Variants in BAIAP2L2 observed in about 807,000 individuals in gnomAD.
The protein encoded by BAIAP2L2 is BAR/IMD domain-containing adapter protein 2-like 2.
Under a neutral mutation model 60.4 loss-of-function variants are expected in BAIAP2L2, and 65 were observed. The ratio of observed to expected loss-of-function variants is 1.08; its 90% CI spans 0.88 to 1.32. The LOEUF is 1.32. Ranked by LOEUF, BAIAP2L2 falls within the 40% of genes most tolerant of loss-of-function variation. The probability of loss-of-function intolerance (pLI) is 0.00; values close to 1 mark genes in which losing one functional copy is unlikely to be tolerated. For synonymous variants in BAIAP2L2, 344 were observed against 301.7 expected (o/e 1.14, Z -1.45); for missense variants, 836 against 741.2 (o/e 1.13, Z -1.48).
chr22:38,108,269 G>T lies in BAIAP2L2; in HGVS notation c.200C>A (p.Thr67Asn). 6.2e-7 allele frequency: 1 copy of T among 1,612,564 alleles called. No individual in the cohort carries two copies. Among genetic ancestry groups the T allele is most frequent in the Non-Finnish European group, 8.5e-7 (1 of 1,179,844 alleles). Residue 67 changes from threonine (T) to asparagine (N), a missense_variant, in exon 3 of 14, where the codon ACC becomes AAC. Physicochemically the swap from Thr to Asn is moderately conservative, Grantham distance 65. Transcript: ENST00000381669. ...KIGERALQSP[T>N]SQILGEILVQ... ...GGGAGCCTCACCCAGAATCTGTGAG[G>T]TGGGGCTCTGCAGGGCACGCTCCCC...
At chr22:38,106,715 C>T (rs1394265302) in intron 4 of BAIAP2L2, among the ~76,000 whole-genome samples, 1 of 152,170 alleles carries the variant, frequency 6.6e-6, no homozygotes, top group African/African-American at 2.4e-5. Flanking sequence ...CTCTCCCACT[C>T]AGCCCCTGCG....
At chr22:38,093,029 G>A (rs1233245807) in intron 7 of BAIAP2L2, among the ~76,000 whole-genome samples, 3 of 152,112 alleles carry the variant, frequency 2.0e-5, no homozygotes, top group Non-Finnish European at 4.4e-5. Context: ...TAACGGGCAT[G>A]GTGGTGCATG....
intron 11 of BAIAP2L2, 85 bp downstream of exon 11, chr22:38,087,039 C>G (rs531231959): frequency 1.6e-5 from 22 of 1,417,346 alleles, no homozygotes; most frequent in South Asian, 1.4e-4. Context: ...AAAAAACAAG[C>G]CTGCACCTTG....
At chr22:38,105,425 C>T (rs1367469654) in intron 4 of BAIAP2L2, among the ~76,000 whole-genome samples, 2 of 150,976 alleles carry the variant, frequency 1.3e-5, no homozygotes, top group Non-Finnish European at 2.9e-5. Flanking sequence ...CTGCAACCTC[C>T]GCTTCCCAGG....
At chr22:38,093,395 G>A (rs545288426) in intron 7 of BAIAP2L2, among the ~76,000 whole-genome samples, 2 of 152,090 alleles carry the variant, frequency 1.3e-5, no homozygotes, top group East Asian at 1.9e-4. Context: ...AATGCACAAC[G>A]GACTAACACA....
Position 38,086,293 on chromosome 22 carries a change from G to A in BAIAP2L2, c.1416C>T (p.Pro472=), listed in dbSNP as rs539736437. The A allele has an allele frequency of 2.5e-6, 4 of 1,589,490 alleles. No individual in the cohort carries two copies. In the African/African-American group the frequency reaches 4.0e-5, roughly 16 times the overall value. ...TGCCCATGCTGCTGCGGCGGCTGCT[G>A]GGCAAGGGTGGAGGTGCAGGGCTGG... ...RAPSPAPPPL[P]SSRRSSMGST... Residue 472 remains proline, a synonymous_variant, in exon 12 of 14, where the codon CCC becomes CCT. Coordinates refer to ENST00000381669, the MANE Select transcript of BAIAP2L2 (RefSeq NM_025045.6).
intron 4 of BAIAP2L2, among the ~76,000 whole-genome samples, chr22:38,102,040 G>A (rs756673296): frequency 2.6e-5 from 4 of 152,176 alleles, no homozygotes; most frequent in Non-Finnish European, 5.9e-5. Context: ...GTAGCTGGGC[G>A]TTGAGGGACC....
In BAIAP2L2 at chr22:38,085,804, C is replaced by T. The variant is rs1410154689; in HGVS notation, c.1468-72G>A. 2.1e-5 allele frequency: 29 copies of T among 1,389,660 alleles called. No homozygotes were observed. In the East Asian group the frequency reaches 4.4e-4, roughly 21 times the overall value. 86.1% of individuals were successfully genotyped at this position (1,389,660 alleles called of 1,614,324 possible). On this transcript the variant is annotated intron_variant, in intron 12 of 13. Coordinates refer to ENST00000381669, the MANE Select transcript of BAIAP2L2 (RefSeq NM_025045.6). ...GCAATCCCTTGCTCCTCCCCTCCCT[C>T]TCCCCATGCCCAAGGGCAGAGGACT...
chr22:38,089,495 C>T (rs1291348293), intron 8 of BAIAP2L2, 27 bp downstream of exon 8: 9 of 1,184,628 alleles, frequency 7.6e-6, no homozygotes, highest in Non-Finnish European at 9.4e-6. Context: ...GGGGCGCGAA[C>T]GGCGGCGGGG....
At chr22:38,094,448 A>G (rs1477790521) in intron 7 of BAIAP2L2, among the ~76,000 whole-genome samples, 1 of 152,086 alleles carries the variant, frequency 6.6e-6, no homozygotes, top group Non-Finnish European at 1.5e-5. Flanking sequence ...GGCCTCCCAC[A>G]GTGCTGGGAT....
intron 1 of BAIAP2L2, 44 bp from the exon 2 acceptor site, chr22:38,109,252 G>C (rs373405276): frequency 7.4e-5 from 111 of 1,491,842 alleles, no homozygotes; most frequent in Non-Finnish European, 1.0e-4. Context: ...AGAGATGGGG[G>C]AGCGAGAAGG....
Position 38,089,634 on chromosome 22 carries a change from TC to T in BAIAP2L2, c.652del (p.Glu218SerfsTer31). On this transcript the variant is annotated frameshift_variant, in exon 8 of 14. Transcript: ENST00000381669. LOFTEE classifies it high-confidence loss of function. ...MLQNRVLLWK[E>X]QSEASRSPSR... ...CGGGCTGCGGCTGGCCTCAGACTGCTCCTTCCACAGCAGCACGCGGTTCTGG... is the reference window on the plus strand; with the variant it reads ...CGGGCTGCGGCTGGCCTCAGACTGCTCTTCCACAGCAGCACGCGGTTCTGG... The T allele has an allele frequency of 8.1e-7, 1 of 1,232,486 alleles. No individual in the cohort carries two copies. The highest frequency in any genetic ancestry group is 1.0e-6 in the Non-Finnish European group (1 of 988,606). The allele number at this position is 1,232,486 out of a possible 1,614,324, so 76.3% of individuals were successfully genotyped here.
intron 4 of BAIAP2L2, among the ~76,000 whole-genome samples, chr22:38,103,592 G>A (rs142940721): frequency 1.3e-5 from 2 of 152,332 alleles, no homozygotes; most frequent in African/African-American, 4.8e-5. Flanking sequence ...GCCAGGTGCA[G>A]TGGCTCACAC....
intron 4 of BAIAP2L2, among the ~76,000 whole-genome samples, chr22:38,106,717 G>A (rs1414707638): frequency 6.6e-6 from 1 of 151,976 alleles, no homozygotes. Flanking sequence ...CTCCCACTCA[G>A]CCCCTGCGCC....
chr22:38,110,141 G>GAGAC (rs2086805518), intron 1 of BAIAP2L2, among the ~76,000 whole-genome samples: 1 of 79,400 alleles, frequency 1.3e-5, no homozygotes, highest in African/African-American at 1.1e-4. Context: ...GAGAGAGAGA[G>GAGAC]AGAGAGAGGG....
rs1265933808 is a variant in BAIAP2L2 at position 38,087,001 on chromosome 22, A to AAAAAC, written c.1259+122_1259+123insGTTTT. 15 of 1,270,112 alleles carry AAAAAC rather than the reference A, an allele frequency of 1.2e-5. No individual in the cohort carries two copies. The African/African-American group carries it at 2.3e-4, about 19-fold the overall frequency. The allele number at this position is 1,270,112 out of a possible 1,614,324, so 78.7% of individuals were successfully genotyped here. On this transcript the variant is annotated intron_variant, in intron 11 of 13. Transcript: ENST00000381669. ...ACAGGGTGAGACTCTGTCTCAAAAA[A>AAAAAC]AAAAAAACAAAACAAAACAAAAAAA...
At chr22:38,086,219 A>G (rs2086062502) in intron 12 of BAIAP2L2, 23 bp downstream of exon 12, 4 of 1,606,052 alleles carry the variant, frequency 2.5e-6, no homozygotes, top group South Asian at 2.2e-5. Flanking sequence ...GGAGGCCCCA[A>G]GAGAGGGCGG....
rs1446256856 is a variant in BAIAP2L2 at position 38,101,148 on chromosome 22, G to T, written c.277-2666C>A. Among the ~76,000 whole-genome samples, 9 of 151,986 alleles carry T rather than the reference G, an allele frequency of 5.9e-5. No homozygotes were observed. The East Asian group carries it at 1.5e-3, about 26-fold the overall frequency. On this transcript the variant is annotated intron_variant, in intron 4 of 13. Coordinates refer to ENST00000381669, the MANE Select transcript of BAIAP2L2 (RefSeq NM_025045.6). The stretch of plus-strand genomic sequence containing the variant: ...TACCTCAGTAGAAAAAAAAACTCAG[G>T]TCTGGGATGATGGTGGAAATAAAAT...
At position 38,088,950 on chromosome 22, in the gene BAIAP2L2, C is replaced by A. The variant is rs1029275263; in HGVS notation, c.916G>T (p.Gly306Cys). 3.3e-6 allele frequency: 5 copies of A among 1,528,372 alleles called. No individual in the cohort carries two copies. In the Admixed American group the frequency reaches 8.0e-5, roughly 24 times the overall value. The allele number at this position is 1,528,372 out of a possible 1,614,324, so 94.7% of individuals were successfully genotyped here. ...TTGGAGCGCGAGCTTTGGGCGCTGC[C>A]GCTGTAGAGCGAGGCTGTGGGCGGG... ...RTPSASSLYSGSAQSSRSNSF... is the reference protein window; with the variant it reads ...RTPSASSLYSCSAQSSRSNSF... Residue 306 changes from glycine (G) to cysteine (C), a missense_variant, in exon 10 of 14, where the codon GGC (glycine) becomes TGC (cysteine). By Grantham distance (159) the Gly-to-Cys change is radical. Coordinates refer to ENST00000381669, the MANE Select transcript of BAIAP2L2 (RefSeq NM_025045.6).
Sources: gnomAD v4.1 joint callset for allele counts (sites outside exome capture counted in the v4.1 genomes callset) on GRCh38, gnomAD v4.1.1 for gene constraint, MANE v1.5 for transcripts, NCBI Gene and HGNC (gene_info 2026-07-23, HGNC 2026-07-21) for gene names.